KDM4C: variants seen among roughly 807,000 people sequenced by gnomAD.
KDM4C encodes lysine demethylase 4C, also known as lysine-specific demethylase 4C.
KDM4C carries 81 observed loss-of-function variants against 129.3 expected under a neutral mutation model. The observed-to-expected ratio is 0.63, with a 90% CI of 0.52 to 0.75. The LOEUF (loss-of-function observed/expected upper bound fraction) is 0.75. Ranked by LOEUF, KDM4C falls within the 30% of genes least tolerant of loss-of-function variation. The probability of loss-of-function intolerance (pLI) is 0.00; values close to 1 mark genes in which losing one functional copy is unlikely to be tolerated. For missense variants in KDM4C, 1,457 were observed against 1,304.0 expected (o/e 1.12, Z -1.81); for synonymous variants, 573 against 456.1 (o/e 1.26, Z -3.26).
intron 15 of KDM4C, among the ~76,000 whole-genome samples, chr9:7,020,958 C>G (rs1353926112): frequency 6.6e-6 from 1 of 151,412 alleles, no homozygotes; most frequent in African/African-American, 2.4e-5. Context: ...TCCCCTCACC[C>G]CCACCACCCT....
intron 21 of KDM4C, chr9:7,170,159 C>T (rs1215637828): frequency 3.2e-5 from 42 of 1,330,554 alleles, no homozygotes; most frequent in Non-Finnish European, 3.9e-5. Context: ...AAAATACTTA[C>T]TGAATGTGTG....
chr9:7,093,299 C>G (rs1228846847), intron 17 of KDM4C, among the ~76,000 whole-genome samples: 4 of 152,054 alleles, frequency 2.6e-5, no homozygotes, highest in Non-Finnish European at 4.4e-5. Context: ...AGTTCTGAGT[C>G]TGAAACAATA....
chr9:7,099,559 C>G (rs531139043), intron 17 of KDM4C, among the ~76,000 whole-genome samples: 1 of 152,340 alleles, frequency 6.6e-6, no homozygotes, highest in Non-Finnish European at 1.5e-5. Context: ...TCCTTAACTC[C>G]CTTGTACTAG....
chr9:6,887,733 T>G (rs573102986), intron 6 of KDM4C, among the ~76,000 whole-genome samples: 13 of 152,300 alleles, frequency 8.5e-5, no homozygotes, highest in African/African-American at 1.7e-4. Context: ...CAAAAACAAC[T>G]TATGGTAAAT....
chr9:6,953,757 A>G (rs547755080), intron 8 of KDM4C, among the ~76,000 whole-genome samples: 1 of 152,300 alleles, frequency 6.6e-6, no homozygotes, highest in South Asian at 2.1e-4. Context: ...GTAATAGTGA[A>G]TACACTGATT....
chr9:6,899,516 T>G (rs1234866883), intron 8 of KDM4C, among the ~76,000 whole-genome samples: 3 of 149,714 alleles, frequency 2.0e-5, no homozygotes, highest in Non-Finnish European at 3.0e-5. Context: ...CACTGCCCTA[T>G]GAGTCCTCTG....
intron 19 of KDM4C, among the ~76,000 whole-genome samples, chr9:7,148,058 G>A (rs1315351678): frequency 6.6e-6 from 1 of 152,212 alleles, no homozygotes; most frequent in Non-Finnish European, 1.5e-5. Flanking sequence ...AGCAAGGCAT[G>A]CCAGCTGTTG....
intron 8 of KDM4C, among the ~76,000 whole-genome samples, chr9:6,935,827 T>C (rs1824679383): frequency 6.6e-6 from 1 of 152,146 alleles, no homozygotes. Context: ...GGGGAATTTT[T>C]CTTGATAGAA....
At chr9:7,100,809 TG>T (rs1381355804) in intron 17 of KDM4C, among the ~76,000 whole-genome samples, 4 of 152,136 alleles carry the variant, frequency 2.6e-5, no homozygotes, top group Admixed American at 6.5e-5. Context: ...ATACTTGGTT[TG>T]GGGTGGCTCT....
chr9:6,792,958 T>C lies in KDM4C; in HGVS notation c.-17-14T>C. The C allele has an allele frequency of 1.2e-6, 2 of 1,613,456 alleles. No individual in the cohort carries two copies. The highest frequency in any genetic ancestry group is 1.3e-5 in the African/African-American group (1 of 75,012). ...AATAATTCAGTTCTGTTGACCCTAC[T>C]GTCTTCTCTCCAGACACTGCCCTAA... On this transcript the variant is annotated splice_polypyrimidine_tract_variant and intron_variant, in intron 1 of 21. Transcript: ENST00000381309.
intron 8 of KDM4C, among the ~76,000 whole-genome samples, chr9:6,966,860 A>C (rs1831065311): frequency 1.3e-5 from 2 of 152,332 alleles, no homozygotes; most frequent in African/African-American, 4.8e-5. Flanking sequence ...TAGGGGACAG[A>C]GCTATCTTTA....
rs541726058 is a variant in KDM4C, at chr9:6,834,490, A to G, written c.436-15017A>G. ...GATATTGCTACGCCCGTCGTCGACA[A>G]CGGCTCCGGCATGTGGAAGGCTGGC... On this transcript the variant is annotated intron_variant, in intron 4 of 21. Coordinates refer to ENST00000381309, the MANE Select transcript of KDM4C (RefSeq NM_015061.6). 13 of 617,004 alleles carry G rather than the reference A, an allele frequency of 2.1e-5. No individual in the cohort carries two copies. In the East Asian group the frequency reaches 4.3e-4, roughly 21 times the overall value. The allele number at this position is 617,004 out of a possible 1,614,324, so 38.2% of individuals were successfully genotyped here. A position where few individuals can be genotyped will look rare whatever the true frequency, so the allele number is the denominator to read the frequency against.
chr9:7,122,571 A>G (rs1233360455), intron 18 of KDM4C, among the ~76,000 whole-genome samples: 1 of 152,174 alleles, frequency 6.6e-6, no homozygotes, highest in East Asian at 1.9e-4. Flanking sequence ...TATTTAGTCA[A>G]AATAAAAACT....
chr9:6,889,207 C>CTT (rs1408790692), intron 7 of KDM4C, among the ~76,000 whole-genome samples: 5 of 83,620 alleles, frequency 6.0e-5, no homozygotes, highest in Admixed American at 1.8e-4. Context: ...CTGTGGCCTT[C>CTT]TTTTTGTGTG....
At chr9:6,898,948 AG>A (rs1473369900) in intron 8 of KDM4C, among the ~76,000 whole-genome samples, 1 of 152,162 alleles carries the variant, frequency 6.6e-6, no homozygotes, top group Non-Finnish European at 1.5e-5. Flanking sequence ...AAGAAAATGT[AG>A]ACTGCTTTGA....
chr9:7,130,110 A>T (rs10758835), intron 19 of KDM4C, among the ~76,000 whole-genome samples: 2 of 151,956 alleles, frequency 1.3e-5, no homozygotes, highest in Non-Finnish European at 2.9e-5. Context: ...TGCAGGCTAC[A>T]TAGTTGTTTC....
chr9:6,927,291 A>G (rs1822809014), intron 8 of KDM4C, among the ~76,000 whole-genome samples: 2 of 152,074 alleles, frequency 1.3e-5, no homozygotes, highest in Non-Finnish European at 2.9e-5. Flanking sequence ...CACCAAGCCT[A>G]GCTAATTTTT....
intron 1 of KDM4C, among the ~76,000 whole-genome samples, chr9:6,774,945 T>G (rs1425127490): frequency 1.3e-5 from 2 of 152,210 alleles, no homozygotes; most frequent in Non-Finnish European, 2.9e-5. Flanking sequence ...TAGATTAAAT[T>G]TGATTTCAGA....
chr9:7,032,087 G>A (rs1012641983), intron 15 of KDM4C, among the ~76,000 whole-genome samples: 1 of 152,194 alleles, frequency 6.6e-6, no homozygotes, highest in South Asian at 2.1e-4. Flanking sequence ...TCCAACCCCT[G>A]TAACTCTGTA....
Sources: gnomAD v4.1 joint callset for allele counts (sites outside exome capture counted in the v4.1 genomes callset) on GRCh38, gnomAD v4.1.1 for gene constraint, MANE v1.5 for transcripts, NCBI Gene and HGNC (gene_info 2026-07-23, HGNC 2026-07-21) for gene names.